Variants in CYTH4 observed in about 807,000 individuals in gnomAD.
CYTH4 encodes cytohesin-4.
In CYTH4, 22 loss-of-function variants were observed where a neutral mutation model predicts 57.5. The observed-to-expected ratio is 0.38, with a 90% CI of 0.27 to 0.55. CYTH4 has a LOEUF of 0.55. Among genes scored for constraint, CYTH4 ranks in the 20% least tolerant of loss-of-function variants. The pLI is 0.74. For missense variants in CYTH4, 420 were observed against 535.6 expected (o/e 0.78, Z 2.13); for synonymous variants, 186 against 206.5 (o/e 0.90, Z 0.85).
chr22:37,306,879 G>T (rs1341126373), intron 8 of CYTH4, among the ~76,000 whole-genome samples: 1 of 152,196 alleles, frequency 6.6e-6, no homozygotes, highest in African/African-American at 2.4e-5. Context: ...GGCTGGCTTG[G>T]GCCTGAACTG....
Position 37,295,763 on chromosome 22 carries a change from T to C in CYTH4, c.168-236T>C, listed in dbSNP as rs1928939171. On this transcript the variant is annotated intron_variant, in intron 3 of 12. Transcript: ENST00000248901. The surrounding 1 kb of genome is among the most constrained non-coding windows in gnomAD (Gnocchi z 4.1). ...CTCCCACACGGCAGCTCCGGGTTCC[T>C]GCAAGCTGCTAAATGCCCGTGCTGG... Among the ~76,000 whole-genome samples the C allele has an allele frequency of 6.6e-6, 1 of 152,222 alleles. No individual in the cohort carries two copies. Among genetic ancestry groups the C allele is most frequent in the Non-Finnish European group, 1.5e-5 (1 of 68,038 alleles).
chr22:37,313,491 A>G lies in CYTH4; in HGVS notation c.1165A>G (p.Lys389Glu). ...CGACCTGGTCTCTACTCGGAAGAAG[A>G]AGATTGCCAGCAAGCAGTGAGATTC... ...FYDLVSTRKK[K>E]IASKQ The change falls in exon 13 of 13, where the codon AAG becomes GAG. Residue 389 changes from lysine (K) to glutamate (E), a missense_variant. Physicochemically the swap from Lys to Glu is moderately conservative, Grantham distance 56 (BLOSUM62 1). Transcript: ENST00000248901. The G allele has an allele frequency of 6.2e-7, 1 of 1,614,190 alleles. No homozygotes were observed. Among genetic ancestry groups the G allele is most frequent in the Non-Finnish European group, 8.5e-7 (1 of 1,180,018 alleles).
chr22:37,307,107 A>T (rs1391821557), intron 8 of CYTH4, among the ~76,000 whole-genome samples: 5 of 152,210 alleles, frequency 3.3e-5, no homozygotes, highest in Admixed American at 6.5e-5. Flanking sequence ...AGGCCCTTGC[A>T]TTTCTGCACA....
At chr22:37,294,490 G>A (rs1373234728) in intron 2 of CYTH4, among the ~76,000 whole-genome samples, 170 bp from the exon 3 acceptor site, 1 of 152,056 alleles carries the variant, frequency 6.6e-6, no homozygotes, top group Non-Finnish European at 1.5e-5. Context: ...TCCAGGGAGG[G>A]GACCTGTCCA....
At chr22:37,285,489 AG>A (rs1928523195) in intron 1 of CYTH4, among the ~76,000 whole-genome samples, 1 of 152,052 alleles carries the variant, frequency 6.6e-6, no homozygotes, top group Admixed American at 6.5e-5. Context: ...GTGGATCACC[AG>A]AGGTCAGGAG....
intron 1 of CYTH4, 177 bp from the exon 2 acceptor site, chr22:37,292,444 G>A (rs536094085): frequency 2.3e-5 from 14 of 595,820 alleles, no homozygotes; most frequent in East Asian, 2.0e-4. Context: ...CAGGGCAGGA[G>A]AGGAGGGAGC....
chr22:37,308,590 GTGTC>G (rs1023806337), intron 8 of CYTH4, among the ~76,000 whole-genome samples: 6 of 149,486 alleles, frequency 4.0e-5, no homozygotes, highest in African/African-American at 7.6e-5. Flanking sequence ...GCGTGTATAT[GTGTC>G]TGAGTGTGCA....
At chr22:37,284,188 A>C (rs1446793208) in intron 1 of CYTH4, among the ~76,000 whole-genome samples, 1 of 152,164 alleles carries the variant, frequency 6.6e-6, no homozygotes, top group Admixed American at 6.5e-5. Flanking sequence ...GAAATGGATT[A>C]AATGGGGTCA....
intron 8 of CYTH4, 75 bp downstream of exon 8, chr22:37,303,477 G>C (rs1170437628): frequency 2.0e-6 from 3 of 1,515,506 alleles, no homozygotes; most frequent in Non-Finnish European, 1.8e-6. Flanking sequence ...GATGGCCCGG[G>C]AGGGGCTCCT....
Position 37,311,469 on chromosome 22 carries a change from G to C in CYTH4, c.899G>C (p.Arg300Pro). The C allele has an allele frequency of 6.2e-7, 1 of 1,614,028 alleles. No homozygotes were observed. Among genetic ancestry groups the C allele is most frequent in the Non-Finnish European group, 8.5e-7 (1 of 1,179,988 alleles). Reference protein sequence around the residue: ...YFEFTTDKEPRGIIPLENLSV... With the variant: ...YFEFTTDKEPPGIIPLENLSV... ...CTTTCCCTGTAGGACAAGGAGCCACGGGGAATTATACCTCTTGAGAACCTC... is the reference window on the plus strand; with the variant it reads ...CTTTCCCTGTAGGACAAGGAGCCACCGGGAATTATACCTCTTGAGAACCTC... Residue 300 changes from arginine (R) to proline (P), a missense_variant, in exon 11 of 13, where the codon CGG becomes CCG. Transcript: ENST00000248901. The surrounding 1 kb of genome is among the most constrained non-coding windows in gnomAD (Gnocchi z 4.4).
intron 1 of CYTH4, among the ~76,000 whole-genome samples, chr22:37,286,273 G>C (rs893151866): frequency 6.6e-6 from 1 of 152,190 alleles, no homozygotes; most frequent in Non-Finnish European, 1.5e-5. Flanking sequence ...GCCCCAGATG[G>C]ACCCAGATGT....
rs1397660327 is a variant in CYTH4, at chr22:37,311,226, G to A, written c.885+162G>A. 1.3e-5 allele frequency among the ~76,000 whole-genome samples: 2 copies of A among 152,208 alleles called. No individual in the cohort carries two copies. The highest frequency in any genetic ancestry group is 2.9e-5 in the Non-Finnish European group (2 of 68,042). The stretch of plus-strand genomic sequence containing the variant: ...CAGATGGGGAAAACGGGTACACAGA[G>A]GAGGGCCGGGCCAAGGTCCTAGGCA... On this transcript the variant is annotated intron_variant, in intron 10 of 12. Transcript: ENST00000248901. The surrounding 1 kb of genome is among the most constrained non-coding windows in gnomAD (Gnocchi z 4.4).
chr22:37,286,870 G>A (rs1239980453), intron 1 of CYTH4, among the ~76,000 whole-genome samples: 1 of 152,144 alleles, frequency 6.6e-6, no homozygotes, highest in African/African-American at 2.4e-5. Context: ...GGACCAGAAT[G>A]GGTAGAAGAG....
rs533661868 is a variant in CYTH4 at position 37,284,084 on chromosome 22, A to C, written c.19+1496A>C. On this transcript the variant is annotated intron_variant, in intron 1 of 12. Coordinates refer to ENST00000248901, the MANE Select transcript of CYTH4 (RefSeq NM_013385.5). ...ACGGCCAGTCAGCAGCAGAGCAGGG[A>C]CGAGAACCTGCGGGAGAGAGCCCCA... Among the ~76,000 whole-genome samples the C allele has an allele frequency of 2.0e-5, 3 of 152,316 alleles. No individual in the cohort carries two copies. In the South Asian group the frequency reaches 6.2e-4, roughly 32 times the overall value.
At position 37,284,817 on chromosome 22, in the gene CYTH4, T is replaced by C. The variant is rs191536664; in HGVS notation, c.19+2229T>C. On this transcript the variant is annotated intron_variant, in intron 1 of 12. Transcript: ENST00000248901. ...GTGTCGGGAAGCAGGTAAGGCGCCC[T>C]CCCCCAGGGCCTGCCGGGAAGGTGA... Among the ~76,000 whole-genome samples the C allele has an allele frequency of 1.1e-3, 164 of 151,916 alleles. 1 individual carries two copies. In the East Asian group the frequency reaches 0.026, roughly 24 times the overall value.
At chr22:37,309,087 C>A in intron 8 of CYTH4, 125 bp from the exon 9 acceptor site, 1 of 713,652 alleles carries the variant, frequency 1.4e-6, no homozygotes, top group Non-Finnish European at 2.3e-6. Context: ...CCACGATAAA[C>A]AGGTGAGGAA....
intron 6 of CYTH4, among the ~76,000 whole-genome samples, chr22:37,299,681 A>G (rs867008359): frequency 6.6e-6 from 1 of 152,190 alleles, no homozygotes; most frequent in African/African-American, 2.4e-5. Flanking sequence ...GCTTCTAATT[A>G]GGGTACTGTT....
At chr22:37,304,086 T>C in intron 8 of CYTH4, 1 of 440,410 alleles carries the variant, frequency 2.3e-6, no homozygotes, top group Admixed American at 2.4e-5. Flanking sequence ...CTGCTGTCAC[T>C]GCGGCTGTCA....
At chr22:37,285,746 A>T (rs1928534829) in intron 1 of CYTH4, among the ~76,000 whole-genome samples, 1 of 152,046 alleles carries the variant, frequency 6.6e-6, no homozygotes, top group South Asian at 2.1e-4. Context: ...AACATATCCC[A>T]TGAGCCTACA....
Sources: gnomAD v4.1 joint callset for allele counts (sites outside exome capture counted in the v4.1 genomes callset) on GRCh38, gnomAD v4.1.1 for gene constraint, Gnocchi (gnomAD v3.1) non-coding constraint, MANE v1.5 for transcripts, NCBI Gene and HGNC (gene_info 2026-07-23, HGNC 2026-07-21) for gene names.